Variants in RFTN2 observed in about 807,000 individuals in gnomAD.
RFTN2 encodes raftlin family member 2, also known as raftlin-2.
RFTN2 carries 34 observed loss-of-function variants against 52.7 expected under a neutral mutation model. The observed-to-expected ratio is 0.64, with a 90% confidence interval of 0.49 to 0.86. The LOEUF (loss-of-function observed/expected upper bound fraction) is 0.86. Among genes scored for constraint, RFTN2 ranks in the 40% least tolerant of loss-of-function variants. The probability of loss-of-function intolerance (pLI) is 0.00; values close to 1 mark genes in which losing one functional copy is unlikely to be tolerated. For missense variants in RFTN2, 536 were observed against 600.1 expected (o/e 0.89, Z 1.12); for synonymous variants, 203 against 217.7 (o/e 0.93, Z 0.59).
Position 197,568,336 on chromosome 2 carries a change from G to T in RFTN2, c.*3672C>A, listed in dbSNP as rs575479654. 1 of 152,064 alleles carries T rather than the reference G, an allele frequency of 6.6e-6. No individual in the cohort carries two copies. The highest frequency in any genetic ancestry group is 2.1e-4 in the South Asian group (1 of 4,818). 9.4% of individuals were successfully genotyped at this position (152,064 alleles called of 1,614,324 possible). On this transcript the variant is annotated 3_prime_UTR_variant, in exon 9 of 9. Coordinates refer to ENST00000295049, the MANE Select transcript of RFTN2 (RefSeq NM_144629.3). ...TTTAGAACCCATTTCTTTTGCAGTC[G>T]TCTTCACCAAAACTTTATGAACCTC...
intron 1 of RFTN2, among the ~76,000 whole-genome samples, chr2:197,668,994 G>A (rs1190508984): frequency 1.3e-5 from 2 of 152,106 alleles, no homozygotes; most frequent in Non-Finnish European, 2.9e-5. Context: ...AACTGAACAG[G>A]CTGCCTCACT....
chr2:197,591,279 A>G (rs2087708668), intron 8 of RFTN2, among the ~76,000 whole-genome samples: 1 of 152,156 alleles, frequency 6.6e-6, no homozygotes, highest in African/African-American at 2.4e-5. Context: ...TCCCTTAGCT[A>G]GACACAAAGA....
chr2:197,625,202 T>C (rs1377093715), intron 5 of RFTN2, among the ~76,000 whole-genome samples: 1 of 152,152 alleles, frequency 6.6e-6, no homozygotes. Context: ...CTTAAAGTAA[T>C]ATTGACACTC....
chr2:197,606,953 T>C (rs1314285095), intron 7 of RFTN2, among the ~76,000 whole-genome samples: 1 of 152,206 alleles, frequency 6.6e-6, no homozygotes, highest in African/African-American at 2.4e-5. Context: ...CTAGAAATAC[T>C]ATTTGACTCA....
chr2:197,663,616 A>C (rs745566943), intron 1 of RFTN2, among the ~76,000 whole-genome samples: 24 of 152,178 alleles, frequency 1.6e-4, no homozygotes, highest in Non-Finnish European at 1.6e-4. Flanking sequence ...GTTAGTGTAT[A>C]GTTGTTCATA....
chr2:197,665,808 GTTAA>G (rs1025598742), intron 1 of RFTN2, among the ~76,000 whole-genome samples: 10 of 151,772 alleles, frequency 6.6e-5, no homozygotes, highest in African/African-American at 2.4e-4. Flanking sequence ...CTATCATATT[GTTAA>G]TTGTTTTCTG....
chr2:197,633,702 T>C lies in RFTN2; in HGVS notation c.718+16A>G. 1.9e-6 allele frequency: 3 copies of C among 1,606,312 alleles called. No individual in the cohort carries two copies. The highest frequency in any genetic ancestry group is 2.6e-6 in the Non-Finnish European group (3 of 1,174,806). ...AAACTATAGTATATTCTCTTTCTAC[T>C]AATCTTGTCTATTACCTTCTCCCTT... On this transcript the variant is annotated intron_variant, in intron 4 of 8. Transcript: ENST00000295049.
chr2:197,581,136 A>T (rs1292797230), intron 8 of RFTN2, among the ~76,000 whole-genome samples: 2 of 152,194 alleles, frequency 1.3e-5, no homozygotes, highest in African/African-American at 4.8e-5. Flanking sequence ...AGGGGATTAA[A>T]GCCTGTTATT....
At chr2:197,662,392 T>C (rs1458981464) in intron 1 of RFTN2, among the ~76,000 whole-genome samples, 4 of 152,240 alleles carry the variant, frequency 2.6e-5, no homozygotes, top group Non-Finnish European at 5.9e-5. Flanking sequence ...CCCCAGTGTA[T>C]GCTCTTGACA....
intron 1 of RFTN2, among the ~76,000 whole-genome samples, chr2:197,660,299 A>G (rs1325637875): frequency 6.9e-6 from 1 of 145,262 alleles, no homozygotes; most frequent in Admixed American, 6.6e-5. Flanking sequence ...TATCTAATTT[A>G]TGTTACTTAT....
intron 1 of RFTN2, among the ~76,000 whole-genome samples, chr2:197,656,321 A>G (rs780598961): frequency 6.6e-6 from 1 of 152,228 alleles, no homozygotes; most frequent in Non-Finnish European, 1.5e-5. Flanking sequence ...AAAGAGAGGC[A>G]GTACACTATT....
chr2:197,589,210 A>G (rs1313107573), intron 8 of RFTN2, among the ~76,000 whole-genome samples: 1 of 101,696 alleles, frequency 9.8e-6, no homozygotes, highest in Non-Finnish European at 1.8e-5. Flanking sequence ...TGACAGAGTG[A>G]CTCTGTCTCA....
intron 1 of RFTN2, among the ~76,000 whole-genome samples, chr2:197,667,831 G>A (rs2106273726): frequency 6.6e-6 from 1 of 152,270 alleles, no homozygotes. Context: ...TGGCAGCAGT[G>A]GGTTGAGCAT....
intron 7 of RFTN2, among the ~76,000 whole-genome samples, chr2:197,609,802 T>C (rs1041287865): frequency 6.6e-6 from 1 of 152,204 alleles, no homozygotes; most frequent in Non-Finnish European, 1.5e-5. Flanking sequence ...GTATAAGATG[T>C]AGGGAAGGGA....
intron 3 of RFTN2, among the ~76,000 whole-genome samples, chr2:197,639,820 G>T (rs1489854085): frequency 5.8e-4 from 81 of 139,320 alleles, no homozygotes; most frequent in Admixed American, 1.9e-3. Flanking sequence ...GGCGCTCTGC[G>T]TTTTAGAGTT....
At chr2:197,634,143 A>ATGAG in intron 3 of RFTN2, 146 bp from the exon 4 acceptor site, 1 of 666,406 alleles carries the variant, frequency 1.5e-6, no homozygotes, top group Non-Finnish European at 2.5e-6. Context: ...AAACTAATGA[A>ATGAG]TCACCTGTAA....
At chr2:197,634,120 A>T (rs1007837832) in intron 3 of RFTN2, 123 bp from the exon 4 acceptor site, 1 of 777,724 alleles carries the variant, frequency 1.3e-6, no homozygotes, top group Admixed American at 2.9e-5. Flanking sequence ...GACCAGTGAC[A>T]AGACTCATTC....
chr2:197,612,952 T>C (rs2106207515), intron 7 of RFTN2, among the ~76,000 whole-genome samples: 1 of 152,372 alleles, frequency 6.6e-6, no homozygotes, highest in Non-Finnish European at 1.5e-5. Context: ...ATGTTTTCAC[T>C]GACAGTAATT....
At chr2:197,628,135 T>C (rs2088399800) in intron 5 of RFTN2, among the ~76,000 whole-genome samples, 1 of 152,044 alleles carries the variant, frequency 6.6e-6, no homozygotes, top group Non-Finnish European at 1.5e-5. Flanking sequence ...CCCTGCTTCC[T>C]CTGAATGCTT....
Sources: gnomAD v4.1 joint callset for allele counts (sites outside exome capture counted in the v4.1 genomes callset) on GRCh38, gnomAD v4.1.1 for gene constraint, MANE v1.5 for transcripts, NCBI Gene and HGNC (gene_info 2026-07-23, HGNC 2026-07-21) for gene names.